Variants in ZNF385D observed in about 807,000 individuals in gnomAD.
The protein encoded by ZNF385D is zinc finger protein 659.
A neutral mutation model predicts 35.8 loss-of-function variants in ZNF385D; 15 were observed. That is an observed-to-expected ratio of 0.42 (90% confidence interval 0.28 to 0.64). The LOEUF is 0.64. ZNF385D is among the 30% of genes least tolerant of loss of function. The pLI, the probability that ZNF385D is intolerant of heterozygous loss-of-function variation, is 0.23. For missense variants in ZNF385D, 474 were observed against 494.6 expected, an observed-to-expected ratio of 0.96 and a Z score of 0.39; for synonymous variants, 212 against 186.8, an observed-to-expected ratio of 1.13 and a Z score of -1.10.
At chr3:21,606,763 C>T (rs1030341719) in intron 2 of ZNF385D, among the ~76,000 whole-genome samples, 4 of 152,174 alleles carry the variant, frequency 2.6e-5, no homozygotes, top group Non-Finnish European at 5.9e-5. Context: ...ACCCCATTGT[C>T]AGAACAGCCC....
At chr3:21,718,106 G>T (rs890007901) in intron 1 of ZNF385D, among the ~76,000 whole-genome samples, 1 of 152,116 alleles carries the variant, frequency 6.6e-6, no homozygotes, top group Admixed American at 6.5e-5. Flanking sequence ...AAATCACTAG[G>T]CTAAATAAAA....
intron 3 of ZNF385D, among the ~76,000 whole-genome samples, chr3:21,847,046 T>G (rs1413374534): frequency 2.0e-5 from 3 of 152,040 alleles, no homozygotes; most frequent in Non-Finnish European, 2.9e-5. Context: ...TTACAGGGCT[T>G]CAACCTGAAC....
At chr3:22,194,040 CTGTA>C (rs1401746786) in intron 2 of ZNF385D, among the ~76,000 whole-genome samples, 4 of 151,834 alleles carry the variant, frequency 2.6e-5, no homozygotes, top group Admixed American at 2.6e-4. Context: ...GAACACTTCT[CTGTA>C]TGTTTTATTA....
chr3:21,972,353 T>C (rs925834680), intron 3 of ZNF385D, among the ~76,000 whole-genome samples: 1 of 151,838 alleles, frequency 6.6e-6, no homozygotes, highest in East Asian at 1.9e-4. Context: ...AATGAAGAAA[T>C]TAAGAAGAAA....
chr3:22,101,793 G>T (rs1701958258), intron 3 of ZNF385D, among the ~76,000 whole-genome samples: 1 of 151,934 alleles, frequency 6.6e-6, no homozygotes. Flanking sequence ...ATCAAGAATG[G>T]TATACTTCTT....
At chr3:21,499,761 C>T (rs948917913) in intron 4 of ZNF385D, among the ~76,000 whole-genome samples, 2 of 152,080 alleles carry the variant, frequency 1.3e-5, no homozygotes, top group Admixed American at 1.3e-4. Context: ...CAGGCATCAG[C>T]TATTAGTTTG....
At chr3:21,851,251 T>C (rs374456352) in intron 3 of ZNF385D, among the ~76,000 whole-genome samples, 3 of 152,110 alleles carry the variant, frequency 2.0e-5, no homozygotes, top group East Asian at 1.9e-4. Flanking sequence ...GAAGAAAAGA[T>C]TGTGAATTTG....
intron 2 of ZNF385D, among the ~76,000 whole-genome samples, chr3:22,279,587 T>TATGTACATATATATGTATATACATATAC (rs1553640924): frequency 2.9e-5 from 4 of 139,902 alleles, no homozygotes; most frequent in East Asian, 2.0e-4. Context: ...TACATATACA[T>TATGTACATATATATGTATATACATATAC]ATGTACATAT....
At chr3:21,904,340 A>G (rs182799995) in intron 3 of ZNF385D, among the ~76,000 whole-genome samples, 1 of 151,742 alleles carries the variant, frequency 6.6e-6, no homozygotes, top group African/African-American at 2.4e-5. Context: ...GTAAAGCTCA[A>G]GATTCAATAT....
intron 2 of ZNF385D, among the ~76,000 whole-genome samples, chr3:22,242,538 C>G (rs1699555357): frequency 6.6e-6 from 1 of 150,586 alleles, no homozygotes; most frequent in African/African-American, 2.5e-5. Flanking sequence ...AAACTCAAAA[C>G]AACGGATAGT....
rs1023546916 is a variant in ZNF385D, at chr3:21,413,403, A to G, written c.*7811T>C. On this transcript the variant is annotated 3_prime_UTR_variant, in exon 8 of 8. Coordinates refer to ENST00000281523, the MANE Select transcript of ZNF385D (RefSeq NM_024697.3). ...AAGGTGGCATCACTGTGGCTGACCAATGATTCGGAATCTCACATTGGTGTG... is the reference window on the plus strand; with the variant it reads ...AAGGTGGCATCACTGTGGCTGACCAGTGATTCGGAATCTCACATTGGTGTG... 3.9e-5 allele frequency: 6 copies of G among 152,126 alleles called. No individual in the cohort carries two copies. The highest frequency in any genetic ancestry group is 3.9e-4 in the East Asian group (2 of 5,192). The allele number at this position is 152,126 out of a possible 1,614,324, so 9.4% of individuals were successfully genotyped here.
chr3:21,826,874 G>A (rs1392005242), intron 3 of ZNF385D, among the ~76,000 whole-genome samples: 1 of 151,772 alleles, frequency 6.6e-6, no homozygotes, highest in Non-Finnish European at 1.5e-5. Context: ...GTGGTCCCAG[G>A]GTCCTCTCTT....
At chr3:21,636,106 T>C (rs925656291) in intron 2 of ZNF385D, among the ~76,000 whole-genome samples, 2 of 152,004 alleles carry the variant, frequency 1.3e-5, no homozygotes, top group African/African-American at 4.8e-5. Flanking sequence ...ATAGTAGTTC[T>C]ACTTTTAGTT....
chr3:21,739,547 G>T (rs1230695780), intron 1 of ZNF385D, among the ~76,000 whole-genome samples: 2 of 152,246 alleles, frequency 1.3e-5, no homozygotes, highest in East Asian at 3.9e-4. Flanking sequence ...ATGTCCCAAG[G>T]TGGTAAAGTC....
intron 2 of ZNF385D, among the ~76,000 whole-genome samples, chr3:21,634,813 T>G (rs2065380642): frequency 6.6e-6 from 1 of 151,610 alleles, no homozygotes; most frequent in Non-Finnish European, 1.5e-5. Flanking sequence ...ATGATTTGGC[T>G]TACTCTTTTT....
intron 3 of ZNF385D, among the ~76,000 whole-genome samples, chr3:21,813,245 A>C (rs1202744436): frequency 6.6e-6 from 1 of 152,186 alleles, no homozygotes; most frequent in Non-Finnish European, 1.5e-5. Context: ...GATGGGGAGA[A>C]ACCAGCACAG....
intron 3 of ZNF385D, among the ~76,000 whole-genome samples, chr3:21,810,485 C>T (rs920559743): frequency 6.6e-6 from 1 of 151,978 alleles, no homozygotes; most frequent in Admixed American, 6.6e-5. Flanking sequence ...ATCAAACCTG[C>T]ATGTTGTGCA....
intron 3 of ZNF385D, among the ~76,000 whole-genome samples, chr3:22,083,744 A>T (rs1023417808): frequency 1.8e-4 from 28 of 152,138 alleles, no homozygotes; most frequent in African/African-American, 6.0e-4. Context: ...CCACAAAGAT[A>T]CTCCTCAAGA....
At chr3:21,710,262 A>G (rs1039256289) in intron 1 of ZNF385D, among the ~76,000 whole-genome samples, 38 of 152,190 alleles carry the variant, frequency 2.5e-4, no homozygotes, top group African/African-American at 7.2e-4. Context: ...TTATAGGACT[A>G]AAGATCAAAA....
Sources: allele counts gnomAD v4.1 joint callset (sites outside exome capture counted in the v4.1 genomes callset), GRCh38; gene constraint gnomAD v4.1.1; transcripts MANE v1.5; gene names NCBI Gene and HGNC (gene_info 2026-07-23, HGNC 2026-07-21).